UBE3A: variants seen among roughly 807,000 people sequenced by gnomAD.
The protein encoded by UBE3A is ubiquitin protein ligase E3A.
A neutral mutation model predicts 83.4 loss-of-function variants in UBE3A; 6 were observed. The observed-to-expected ratio is 0.07, with a 90% CI of 0.04 to 0.14. The LOEUF is 0.14. Ranked by LOEUF, UBE3A falls within the 10% of genes least tolerant of loss-of-function variation. The pLI is 1.00. For synonymous variants in UBE3A, 337 were observed against 355.4 expected, an observed-to-expected ratio of 0.95 and a Z score of 0.58; for missense variants, 456 against 1,036.1, an observed-to-expected ratio of 0.44 and a Z score of 7.69.
intron 4 of UBE3A, 69 bp from the exon 5 acceptor site, chr15:25,375,832 A>C: frequency 2.6e-6 from 4 of 1,544,444 alleles, no homozygotes; most frequent in Non-Finnish European, 3.5e-6. Flanking sequence ...TCAACATATC[A>C]TCAAGGCAAA....
At chr15:25,396,688 T>A (rs138448349) in intron 4 of UBE3A, among the ~76,000 whole-genome samples, 1 of 152,034 alleles carries the variant, frequency 6.6e-6, no homozygotes, top group Non-Finnish European at 1.5e-5. Flanking sequence ...AACATACGAA[T>A]AAATGAAAAG....
intron 1 of UBE3A, among the ~76,000 whole-genome samples, chr15:25,429,600 G>C (rs1236233601): frequency 2.6e-5 from 4 of 152,054 alleles, no homozygotes; most frequent in Non-Finnish European, 5.9e-5. Context: ...TATAATCCCA[G>C]CACTTTGGGA....
At chr15:25,413,073 T>C (rs753332869) in intron 1 of UBE3A, 3 of 434,386 alleles carry the variant, frequency 6.9e-6, no homozygotes, top group Non-Finnish European at 1.4e-5. Flanking sequence ...GAACACATAA[T>C]CATGGAGGAA....
chr15:25,351,443 G>T (rs1555387853), intron 11 of UBE3A, among the ~76,000 whole-genome samples: 1 of 152,150 alleles, frequency 6.6e-6, no homozygotes, highest in Non-Finnish European at 1.5e-5. Flanking sequence ...CATCTATGAA[G>T]TATTTGGGAA....
At chr15:25,367,190 A>T (rs997921264) in intron 6 of UBE3A, among the ~76,000 whole-genome samples, 15 of 81,668 alleles carry the variant, frequency 1.8e-4, no homozygotes, top group African/African-American at 9.3e-4. Flanking sequence ...TAAATATGTA[A>T]ATATTTACAT....
At chr15:25,408,649 C>T in intron 3 of UBE3A, 1 of 1,613,798 alleles carries the variant, frequency 6.2e-7, no homozygotes, top group Non-Finnish European at 8.5e-7. Context: ...GCTTCTCCAT[C>T]CTGCAAGCCA....
intron 3 of UBE3A, chr15:25,408,781 A>G: frequency 9.9e-7 from 1 of 1,012,510 alleles, no homozygotes; most frequent in Non-Finnish European, 1.4e-6. Context: ...ATACTTTAAA[A>G]TGCATATTAA....
At chr15:25,367,998 TTTTA>T in intron 6 of UBE3A, among the ~76,000 whole-genome samples, 1 of 152,104 alleles carries the variant, frequency 6.6e-6, no homozygotes, top group Non-Finnish European at 1.5e-5. Context: ...GATCCCATAA[TTTTA>T]TTTATCAATA....
chr15:25,424,665 T>C (rs1378286960), intron 1 of UBE3A, among the ~76,000 whole-genome samples: 1 of 151,650 alleles, frequency 6.6e-6, no homozygotes, highest in Non-Finnish European at 1.5e-5. Flanking sequence ...ATAACACAGT[T>C]AAGAGGAAAA....
intron 4 of UBE3A, among the ~76,000 whole-genome samples, chr15:25,383,819 T>C (rs901570705): frequency 6.6e-6 from 1 of 152,076 alleles, no homozygotes; most frequent in African/African-American, 2.4e-5. Flanking sequence ...CTATTCAACA[T>C]ACTGTTAGAC....
At chr15:25,341,669 A>T (rs545084518) in intron 11 of UBE3A, among the ~76,000 whole-genome samples, 7 of 150,852 alleles carry the variant, frequency 4.6e-5, no homozygotes, top group Non-Finnish European at 8.8e-5. Flanking sequence ...AGGCCAAGGC[A>T]GAAGAATTGC....
At position 25,354,370 on chromosome 15, in the gene UBE3A, C is replaced by T. The variant is rs770594226; in HGVS notation, c.2337G>A (p.Arg779=). The T allele has an allele frequency of 1.2e-6, 2 of 1,613,466 alleles. No homozygotes were observed. Among genetic ancestry groups the T allele is most frequent in the Non-Finnish European group, 1.7e-6 (2 of 1,179,874 alleles). The change falls in exon 11 of 13, where the codon AGG becomes AGA. Residue 779 remains arginine, a synonymous_variant. Transcript: ENST00000648336. Reference sequence around the variant, plus strand: ...TACCTCACCTAATCAGAACAGAGTCCCTGGTATAGCCACCGTCATATTCTG... The same window carrying T: ...TACCTCACCTAATCAGAACAGAGTCTCTGGTATAGCCACCGTCATATTCTG... ...ETTEYDGGYT[R]DSVLIREFWE...
chr15:25,339,093 T>C lies in UBE3A; in HGVS notation c.*44A>G. ...TTTAAAATTTTTTAAATTTTTTCTT[T>C]TTTTTTCCTTCCTTTTTTTTGTTTT... On this transcript the variant is annotated 3_prime_UTR_variant, in exon 13 of 13. Coordinates refer to ENST00000648336, the MANE Select transcript of UBE3A (RefSeq NM_130839.5). 4.7e-6 allele frequency: 7 copies of C among 1,486,212 alleles called. No homozygotes were observed. Among genetic ancestry groups the C allele is most frequent in the Non-Finnish European group, 5.3e-6 (6 of 1,123,912 alleles). The allele number at this position is 1,486,212 out of a possible 1,614,324, so 92.1% of individuals were successfully genotyped here.
At chr15:25,354,152 T>A (rs1029507806) in intron 11 of UBE3A, 2 of 620,518 alleles carry the variant, frequency 3.2e-6, no homozygotes, top group East Asian at 5.5e-5. Context: ...GACTTATATA[T>A]AACAACACTT....
chr15:25,428,122 T>A (rs1891955453), intron 1 of UBE3A, among the ~76,000 whole-genome samples: 1 of 152,132 alleles, frequency 6.6e-6, no homozygotes. Flanking sequence ...TAACTGTATT[T>A]ATTATTGCTG....
At chr15:25,360,049 G>GT (rs1398988529) in intron 7 of UBE3A, among the ~76,000 whole-genome samples, 6 of 152,156 alleles carry the variant, frequency 3.9e-5, no homozygotes, top group African/African-American at 1.4e-4. Flanking sequence ...CAGGAAAACC[G>GT]TGAGTTTGAT....
At chr15:25,365,425 T>C (rs1304643803) in intron 6 of UBE3A, among the ~76,000 whole-genome samples, 2 of 152,118 alleles carry the variant, frequency 1.3e-5, no homozygotes, top group African/African-American at 4.8e-5. Flanking sequence ...AGACCTCTAA[T>C]ACTTAAGAAT....
chr15:25,410,908 A>T (rs181000823), intron 2 of UBE3A, among the ~76,000 whole-genome samples: 2 of 152,324 alleles, frequency 1.3e-5, no homozygotes, highest in East Asian at 3.9e-4. Flanking sequence ...TGGGTTCTCA[A>T]GAGACTAATG....
At chr15:25,347,115 GAAGT>G (rs1436599277) in intron 11 of UBE3A, 1 of 152,164 alleles carries the variant, frequency 6.6e-6, no homozygotes, top group Non-Finnish European at 1.5e-5. Context: ...CTGGCTAATG[GAAGT>G]AATAAAAGAT....
Sources: allele counts gnomAD v4.1 joint callset (sites outside exome capture counted in the v4.1 genomes callset), GRCh38; gene constraint gnomAD v4.1.1; transcripts MANE v1.5; gene names NCBI Gene and HGNC (gene_info 2026-07-23, HGNC 2026-07-21).